AP1G1: variants seen among roughly 807,000 people sequenced by gnomAD.
The protein encoded by AP1G1 is adaptor related protein complex 1 subunit gamma 1.
In AP1G1, 7 loss-of-function variants were observed where a neutral mutation model predicts 108.3. The ratio of observed to expected loss-of-function variants is 0.06; its 90% CI spans 0.04 to 0.12. The LOEUF (loss-of-function observed/expected upper bound fraction) is 0.12, where lower values mean the gene tolerates loss of function less well. Ranked by LOEUF, AP1G1 falls within the 10% of genes least tolerant of loss-of-function variation. The probability of loss-of-function intolerance (pLI) is 1.00; values close to 1 mark genes in which losing one functional copy is unlikely to be tolerated. For missense variants in AP1G1, 756 were observed against 1,010.7 expected, an observed-to-expected ratio of 0.75 and a Z score of 3.42; for synonymous variants, 379 against 353.5, an observed-to-expected ratio of 1.07 and a Z score of -0.81.
intron 15 of AP1G1, among the ~76,000 whole-genome samples, chr16:71,749,331 G>A (rs11862379): frequency 6.6e-6 from 1 of 151,840 alleles, no homozygotes; most frequent in African/African-American, 2.4e-5. Context: ...AAAAAAAGTA[G>A]AATAAACTAG....
chr16:71,767,031 CT>C (rs2031344960), intron 6 of AP1G1, among the ~76,000 whole-genome samples: 1 of 152,100 alleles, frequency 6.6e-6, no homozygotes, highest in Non-Finnish European at 1.5e-5. Flanking sequence ...AGTTACCAAC[CT>C]TATCTTACAT....
intron 1 of AP1G1, among the ~76,000 whole-genome samples, chr16:71,797,362 C>T (rs1299621472): frequency 1.3e-5 from 2 of 151,920 alleles, no homozygotes; most frequent in African/African-American, 4.8e-5. Flanking sequence ...TGGAATAAAA[C>T]TTGCTTTGAA....
chr16:71,763,737 C>T (rs1441691073), intron 9 of AP1G1, among the ~76,000 whole-genome samples: 6 of 152,106 alleles, frequency 3.9e-5, no homozygotes, highest in African/African-American at 1.4e-4. Flanking sequence ...GAACTGTACA[C>T]AAATATTATA....
Position 71,732,208 on chromosome 16 carries a change from G to A in AP1G1, c.*850C>T, listed in dbSNP as rs987007617. The A allele has an allele frequency of 1.3e-5, 2 of 152,338 alleles. No homozygotes were observed. The highest frequency in any genetic ancestry group is 2.4e-5 in the African/African-American group (1 of 41,426). 9.4% of individuals were successfully genotyped at this position (152,338 alleles called of 1,614,324 possible). A position where few individuals can be genotyped will look rare whatever the true frequency, so the allele number is the denominator to read the frequency against. Reference sequence around the variant, plus strand: ...TAACTATGAATATATCTTTTAGAAGGTGACCATTTTGCACTTTAAAGGGAA... The same window carrying A: ...TAACTATGAATATATCTTTTAGAAGATGACCATTTTGCACTTTAAAGGGAA... On this transcript the variant is annotated 3_prime_UTR_variant, in exon 23 of 23. Transcript: ENST00000299980.
chr16:71,786,008 G>T (rs576121698), intron 2 of AP1G1, among the ~76,000 whole-genome samples: 2 of 152,036 alleles, frequency 1.3e-5, no homozygotes, highest in African/African-American at 4.8e-5. Context: ...CAACGGATGG[G>T]GTACCAAATT....
At chr16:71,778,866 A>C (rs2031893342) in intron 2 of AP1G1, among the ~76,000 whole-genome samples, 1 of 152,164 alleles carries the variant, frequency 6.6e-6, no homozygotes, top group Non-Finnish European at 1.5e-5. Flanking sequence ...CTGTTGCATG[A>C]GTTAAAGAAC....
chr16:71,756,930 C>CAAA (rs551372939), intron 11 of AP1G1, among the ~76,000 whole-genome samples: 1 of 67,918 alleles, frequency 1.5e-5, no homozygotes. Flanking sequence ...GACTCTGTCT[C>CAAA]AAAAAAAAAA....
In AP1G1 at chr16:71,758,870, T is replaced by C; in HGVS notation, c.1026A>G (p.Ala342=). The part of the protein sequence containing the change: ...LLKTVQTDHN[A]VQRHRSTIVD... ...CAATTGTGCTTCTGTGCCTCTGTAC[T>C]GCATTATGATCTGTCTGTACAGTCT... The change falls in exon 11 of 23, where the codon GCA becomes GCG. Residue 342 remains alanine, a synonymous_variant. Coordinates refer to ENST00000299980, the MANE Select transcript of AP1G1 (RefSeq NM_001128.6). 6.2e-7 allele frequency: 1 copy of C among 1,611,612 alleles called. No homozygotes were observed. The highest frequency in any genetic ancestry group is 8.5e-7 in the Non-Finnish European group (1 of 1,179,326).
intron 1 of AP1G1, among the ~76,000 whole-genome samples, chr16:71,799,822 C>T (rs1057103824): frequency 6.6e-6 from 1 of 151,780 alleles, no homozygotes; most frequent in South Asian, 2.1e-4. Context: ...TGGCGTGAAC[C>T]CAGGAAGCAG....
chr16:71,756,038 T>C lies in AP1G1; in HGVS notation c.1210A>G (p.Ile404Val). 6.2e-7 allele frequency: 1 copy of C among 1,610,108 alleles called. No individual in the cohort carries two copies. Among genetic ancestry groups the C allele is most frequent in the South Asian group, 1.1e-5 (1 of 89,898 alleles). ...TCTTACTTTTCTGCAGCAAGAAAGA[T>C]TCCAGATGCACAGTCTGCTTTAAAT... ...PEFKADCASGIFLAAEKYAPS... is the reference protein window; with the variant it reads ...PEFKADCASGVFLAAEKYAPS... Residue 404 changes from isoleucine to valine, a missense_variant, in exon 12 of 23, where the codon ATC (isoleucine) becomes GTC (valine). Physicochemically the swap from Ile to Val is conservative, Grantham distance 29. Around this residue, in one of 3 missense-constraint regions of AP1G1, gnomAD observed 357 missense variants for 366.5 expected, o/e 0.97. Transcript: ENST00000299980.
At chr16:71,737,300 T>C (rs187344239) in intron 21 of AP1G1, among the ~76,000 whole-genome samples, 2 of 152,298 alleles carry the variant, frequency 1.3e-5, no homozygotes, top group African/African-American at 4.8e-5. Context: ...TCTTCTTTTT[T>C]TTGGACAGCG....
rs1205203668 is a variant in AP1G1, at chr16:71,790,018, G to T, written c.-3-536C>A. 4.6e-5 allele frequency among the ~76,000 whole-genome samples: 7 copies of T among 151,674 alleles called. No individual in the cohort carries two copies. In the East Asian group the frequency reaches 1.2e-3, roughly 25 times the overall value. The stretch of plus-strand genomic sequence containing the variant: ...CTGTAACCATCCCAGTACACTGTGT[G>T]TATACTTTGAAAATGTGATGAGAAA... On this transcript the variant is annotated intron_variant, in intron 1 of 22. Transcript: ENST00000299980.
chr16:71,740,149 G>C (rs1212632697), intron 19 of AP1G1, among the ~76,000 whole-genome samples: 1 of 152,240 alleles, frequency 6.6e-6, no homozygotes, highest in Admixed American at 6.5e-5. Context: ...TTTGGCAACA[G>C]TAGAGTTGAA....
intron 21 of AP1G1, among the ~76,000 whole-genome samples, chr16:71,737,182 T>G (rs1335014721): frequency 6.6e-6 from 1 of 152,042 alleles, no homozygotes; most frequent in Non-Finnish European, 1.5e-5. Context: ...GGCATAGAGG[T>G]TCAGTGACTT....
chr16:71,773,204 G>C lies in AP1G1; in HGVS notation c.468+17C>G, dbSNP rs754267217. 5.6e-6 allele frequency: 9 copies of C among 1,611,602 alleles called. No individual in the cohort carries two copies. Among genetic ancestry groups the C allele is most frequent in the African/African-American group, 1.3e-5 (1 of 74,770 alleles). ...TACTCCCTAATCCAAACAGACATTTGGTTCATTAAAAGTTACCTTTTTTCT... is the reference window on the plus strand; with the variant it reads ...TACTCCCTAATCCAAACAGACATTTCGTTCATTAAAAGTTACCTTTTTTCT... On this transcript the variant is annotated intron_variant, in intron 4 of 22. Coordinates refer to ENST00000299980, the MANE Select transcript of AP1G1 (RefSeq NM_001128.6).
chr16:71,769,433 A>G, intron 6 of AP1G1, 190 bp downstream of exon 6: 1 of 587,148 alleles, frequency 1.7e-6, no homozygotes, highest in Non-Finnish European at 3.1e-6. Context: ...AAGGGAAAAC[A>G]CAATACTAGT....
At chr16:71,779,890 G>A (rs966511640) in intron 2 of AP1G1, among the ~76,000 whole-genome samples, 1 of 152,016 alleles carries the variant, frequency 6.6e-6, no homozygotes. Flanking sequence ...AGGCCAAGGC[G>A]GGAGTATTCC....
In AP1G1 at chr16:71,753,935, G is replaced by A. The variant is rs183412980; in HGVS notation, c.1230-48C>T. The A allele has an allele frequency of 4.4e-4, 692 of 1,557,056 alleles. 2 individuals carry two copies. Among genetic ancestry groups the A allele is most frequent in the South Asian group, 1.2e-3 (107 of 89,134 alleles). On this transcript the variant is annotated intron_variant, in intron 12 of 22. Coordinates refer to ENST00000299980, the MANE Select transcript of AP1G1 (RefSeq NM_001128.6). The stretch of plus-strand genomic sequence containing the variant: ...ACACTTGGAACCAGTAAAATATACC[G>A]TTTTCAGTGACTAGAAAATCCTGCC...
chr16:71,789,249 C>A, intron 2 of AP1G1, 30 bp downstream of exon 2: 2 of 1,587,624 alleles, frequency 1.3e-6, no homozygotes, highest in East Asian at 2.3e-5. Flanking sequence ...AAAGAATACC[C>A]TTGCTACATG....
Sources: gnomAD v4.1 joint callset for allele counts (sites outside exome capture counted in the v4.1 genomes callset) on GRCh38, gnomAD v4.1.1 for gene constraint, gnomAD v4.1.1 regional missense constraint, MANE v1.5 for transcripts, NCBI Gene and HGNC (gene_info 2026-07-23, HGNC 2026-07-21) for gene names.